PLA1A: variants seen among roughly 807,000 people sequenced by gnomAD.
The protein encoded by PLA1A is phosphatidylserine-specific phospholipase A1alpha.
In PLA1A, 47 loss-of-function variants were observed where a neutral mutation model predicts 49.4. That is an observed-to-expected ratio of 0.95 (90% confidence interval 0.75 to 1.21). PLA1A has a LOEUF of 1.21. Among genes scored for constraint, PLA1A ranks in the 50% most tolerant of loss-of-function variants. The pLI, the probability that PLA1A is intolerant of heterozygous loss-of-function variation, is 0.00. For synonymous variants in PLA1A, 224 were observed against 207.9 expected, an observed-to-expected ratio of 1.08 and a Z score of -0.67; for missense variants, 561 against 563.9, an observed-to-expected ratio of 0.99 and a Z score of 0.05.
intron 10 of PLA1A, 79 bp from the exon 11 acceptor site, chr3:119,629,305 C>A: frequency 1.2e-6 from 1 of 838,258 alleles, no homozygotes; most frequent in South Asian, 1.3e-5. Flanking sequence ...CACCAGACAT[C>A]ATGGGAATTC....
chr3:119,628,908 T>C (rs780187019), intron 10 of PLA1A, 43 bp downstream of exon 10: 1 of 1,512,844 alleles, frequency 6.6e-7, no homozygotes, highest in Non-Finnish European at 9.2e-7. Flanking sequence ...CACTCACACA[T>C]CAAAGACCAG....
intron 1 of PLA1A, among the ~76,000 whole-genome samples, chr3:119,600,774 C>T (rs1173776862): frequency 6.6e-6 from 1 of 152,242 alleles, no homozygotes; most frequent in African/African-American, 2.4e-5. Flanking sequence ...GCTGCTGATG[C>T]CTCAATCCAC....
At chr3:119,603,293 AG>A (rs1193814556) in intron 1 of PLA1A, among the ~76,000 whole-genome samples, 1 of 152,250 alleles carries the variant, frequency 6.6e-6, no homozygotes, top group Non-Finnish European at 1.5e-5. Flanking sequence ...GCTTAGGCCA[AG>A]GTGGTGAGAA....
At position 119,597,949 on chromosome 3, in the gene PLA1A, G is replaced by T. The variant is rs761473618; in HGVS notation, c.36G>T (p.Val12=). 3.7e-6 allele frequency: 6 copies of T among 1,610,134 alleles called. No individual in the cohort carries two copies. The East Asian group carries it at 1.3e-4, about 36-fold the overall frequency. The change falls in exon 1 of 11, where the codon GTG becomes GTT. Residue 12 remains valine, a synonymous_variant. Coordinates refer to ENST00000273371, the MANE Select transcript of PLA1A (RefSeq NM_015900.4). The part of the protein sequence containing the change: ...PPGPWESCFW[V]GGLILWLSVG... ...GTCCCTGGGAGAGCTGCTTCTGGGT[G>T]GGGGGCCTCATTTTGTGGCTCAGCG...
At chr3:119,621,653 A>T (rs2082934625) in intron 8 of PLA1A, among the ~76,000 whole-genome samples, 1 of 152,194 alleles carries the variant, frequency 6.6e-6, no homozygotes, top group South Asian at 2.1e-4. Context: ...CCTTTTCTCC[A>T]TTACTTCACT....
rs150705035 is a variant in PLA1A at position 119,608,788 on chromosome 3, T to A, written c.294T>A (p.Pro98=). Residue 98 remains proline, a synonymous_variant, in exon 3 of 11, where the codon CCT becomes CCA. Coordinates refer to ENST00000273371, the MANE Select transcript of PLA1A (RefSeq NM_015900.4). ...TGTCTAGGGTTTTAGGAACAAAGCCTTCCTGGATTGACACATTTATTAGAA... is the reference window on the plus strand; with the variant it reads ...TGTCTAGGGTTTTAGGAACAAAGCCATCCTGGATTGACACATTTATTAGAA... ...IHGFRVLGTK[P]SWIDTFIRTL... 6.2e-7 allele frequency: 1 copy of A among 1,613,808 alleles called. No homozygotes were observed. The highest frequency in any genetic ancestry group is 8.5e-7 in the Non-Finnish European group (1 of 1,179,800).
chr3:119,623,944 C>T (rs554183226), intron 8 of PLA1A, among the ~76,000 whole-genome samples: 17 of 151,902 alleles, frequency 1.1e-4, no homozygotes, highest in African/African-American at 4.1e-4. Flanking sequence ...AGGCTGGTCT[C>T]AAACTCCTGA....
intron 7 of PLA1A, among the ~76,000 whole-genome samples, chr3:119,618,572 C>G (rs2082885116): frequency 6.6e-6 from 1 of 152,196 alleles, no homozygotes; most frequent in African/African-American, 2.4e-5. Context: ...GAGTGGAACA[C>G]AAGACCTACA....
chr3:119,618,927 G>A (rs561709645), intron 7 of PLA1A, among the ~76,000 whole-genome samples: 2 of 152,276 alleles, frequency 1.3e-5, no homozygotes, highest in South Asian at 4.1e-4. Context: ...AAGTAGGGTA[G>A]CTTCCAATGA....
At chr3:119,616,204 T>C in intron 6 of PLA1A, 103 bp downstream of exon 6, 1 of 736,838 alleles carries the variant, frequency 1.4e-6, no homozygotes, top group Non-Finnish European at 2.5e-6. Context: ...AGGGTCTACT[T>C]GACAGTGTCC....
chr3:119,606,486 C>T (rs1338014038), intron 1 of PLA1A, among the ~76,000 whole-genome samples: 3 of 152,310 alleles, frequency 2.0e-5, no homozygotes, highest in Middle Eastern at 3.4e-3. Flanking sequence ...GGATGAGACT[C>T]AGTTCAGCCC....
At chr3:119,602,910 A>G (rs945831242) in intron 1 of PLA1A, among the ~76,000 whole-genome samples, 2 of 152,208 alleles carry the variant, frequency 1.3e-5, no homozygotes, top group Non-Finnish European at 1.5e-5. Flanking sequence ...AGGAACTGCC[A>G]TGTAGATACA....
At chr3:119,612,702 A>T (rs967780121) in intron 4 of PLA1A, among the ~76,000 whole-genome samples, 1 of 152,086 alleles carries the variant, frequency 6.6e-6, no homozygotes, top group Admixed American at 6.5e-5. Context: ...GTTAGCCAGG[A>T]TGATCTCGAT....
Position 119,629,498 on chromosome 3 carries a change from A to AT in PLA1A, c.*46dup, listed in dbSNP as rs3054091. 86,550 of 857,990 alleles carry AT rather than the reference A, an allele frequency of 0.1. 864 individuals carry two copies. Among genetic ancestry groups the AT allele is most frequent in the Non-Finnish European group, 0.11 (61,912 of 556,082 alleles). 53.1% of individuals were successfully genotyped at this position (857,990 alleles called of 1,614,324 possible). On this transcript the variant is annotated 3_prime_UTR_variant, in exon 11 of 11. Transcript: ENST00000273371. ...ACCTGGGCAGGACACATCTCCCTGC[A>AT]TTTTTTTTTTTTTTTTGAGAGAGAG... is the stretch of plus-strand genomic sequence containing the variant.
chr3:119,626,401 G>A (rs1289270417), intron 9 of PLA1A, among the ~76,000 whole-genome samples: 1 of 152,224 alleles, frequency 6.6e-6, no homozygotes, highest in Non-Finnish European at 1.5e-5. Context: ...CAGCATAGAA[G>A]ACAGAGTCTG....
chr3:119,618,264 T>C, intron 7 of PLA1A, 78 bp downstream of exon 7: 1 of 1,185,408 alleles, frequency 8.4e-7, no homozygotes, highest in Non-Finnish European at 1.2e-6. Flanking sequence ...CTTAATGTCC[T>C]GATGTCCTAT....
chr3:119,613,193 T>G (rs961604217), intron 5 of PLA1A, 75 bp downstream of exon 5: 1 of 976,630 alleles, frequency 1.0e-6, no homozygotes, highest in Non-Finnish European at 1.6e-6. Flanking sequence ...TCTAGCTCTG[T>G]GGCCCTGGGC....
intron 8 of PLA1A, among the ~76,000 whole-genome samples, chr3:119,624,734 G>T (rs189638665): frequency 6.6e-6 from 1 of 151,978 alleles, no homozygotes; most frequent in East Asian, 1.9e-4. Context: ...GAGTTCAAGC[G>T]ATTCTCCTGT....
intron 8 of PLA1A, among the ~76,000 whole-genome samples, chr3:119,622,858 G>T (rs688345): frequency 6.6e-6 from 1 of 151,752 alleles, no homozygotes; most frequent in Non-Finnish European, 1.5e-5. Flanking sequence ...ACAGAGTCTC[G>T]CTCTGTCACC....
Sources: gnomAD v4.1 joint callset for allele counts (sites outside exome capture counted in the v4.1 genomes callset) on GRCh38, gnomAD v4.1.1 for gene constraint, MANE v1.5 for transcripts, NCBI Gene and HGNC (gene_info 2026-07-23, HGNC 2026-07-21) for gene names.